CCDC60: variants seen among roughly 807,000 people sequenced by gnomAD.
The protein encoded by CCDC60 is coiled-coil domain containing 60.
A neutral mutation model predicts 63.5 loss-of-function variants in CCDC60; 54 were observed. The ratio of observed to expected loss-of-function variants is 0.85; its 90% CI spans 0.68 to 1.07. CCDC60 has a LOEUF of 1.07. Among genes scored for constraint, CCDC60 ranks in the 50% least tolerant of loss-of-function variants. The probability of loss-of-function intolerance (pLI) is 0.00; values close to 1 mark genes in which losing one functional copy is unlikely to be tolerated. For missense variants in CCDC60, 651 were observed against 684.3 expected (o/e 0.95, Z 0.54); for synonymous variants, 206 against 238.8 (o/e 0.86, Z 1.27).
Position 119,472,042 on chromosome 12 carries a change from G to T in CCDC60, c.219G>T (p.Leu73=). 6.2e-7 allele frequency: 1 copy of T among 1,614,058 alleles called. No individual in the cohort carries two copies. The highest frequency in any genetic ancestry group is 8.5e-7 in the Non-Finnish European group (1 of 1,180,008). Residue 73 remains leucine, a synonymous_variant, in exon 3 of 14, where the codon CTG becomes CTT. Coordinates refer to ENST00000327554, the MANE Select transcript of CCDC60 (RefSeq NM_178499.5). The part of the protein sequence containing the change: ...VKIGRGYFAI[L]REETAKKKKQ... The stretch of plus-strand genomic sequence containing the variant: ...TAGGCCGTGGATATTTTGCTATTCT[G>T]AGGGAAGAGACTGCAAAGAAAAAGA...
intron 5 of CCDC60, among the ~76,000 whole-genome samples, chr12:119,499,147 T>C (rs1183173832): frequency 6.6e-6 from 1 of 152,218 alleles, no homozygotes; most frequent in East Asian, 1.9e-4. Context: ...ATGTTTCCTT[T>C]CCAAAATGCC....
chr12:119,451,288 C>T (rs1950630028), intron 2 of CCDC60, among the ~76,000 whole-genome samples: 1 of 152,156 alleles, frequency 6.6e-6, no homozygotes. Context: ...ATTCCAAAGC[C>T]CCAGCTAAAC....
chr12:119,405,708 A>G (rs182231131), intron 1 of CCDC60, among the ~76,000 whole-genome samples: 27 of 152,278 alleles, frequency 1.8e-4, no homozygotes, highest in African/African-American at 6.0e-4. Context: ...TCTAAATTAT[A>G]TAAGTTTTAC....
intron 2 of CCDC60, among the ~76,000 whole-genome samples, chr12:119,441,154 C>T (rs1295342620): frequency 6.6e-6 from 1 of 152,152 alleles, no homozygotes; most frequent in Non-Finnish European, 1.5e-5. Flanking sequence ...GTTTTAGGGA[C>T]AGCTGAAGCA....
rs1342011296 is a variant in CCDC60 at position 119,368,068 on chromosome 12, G to C, written c.90+32802G>C. On this transcript the variant is annotated intron_variant, in intron 1 of 13. Transcript: ENST00000327554. Reference sequence around the variant, plus strand: ...TCTGTTTTTCTGAAGAAAAAAAGAAGAACAAGAAGAAGGAGGAGGGGGAGG... The same window carrying C: ...TCTGTTTTTCTGAAGAAAAAAAGAACAACAAGAAGAAGGAGGAGGGGGAGG... Among the ~76,000 whole-genome samples the C allele has an allele frequency of 7.7e-5, 11 of 142,888 alleles. No homozygotes were observed. The Admixed American group carries it at 8.0e-4, about 10-fold the overall frequency. The allele number at this position is 142,888 out of a possible 152,430, so 93.7% of individuals were successfully genotyped here. A position where few individuals can be genotyped will look rare whatever the true frequency, so the allele number is the denominator to read the frequency against.
At chr12:119,503,929 A>T (rs531744664) in intron 6 of CCDC60, among the ~76,000 whole-genome samples, 4 of 152,308 alleles carry the variant, frequency 2.6e-5, no homozygotes, top group East Asian at 3.9e-4. Context: ...CAGTCTATCC[A>T]TCAAGAGCTT....
chr12:119,413,675 G>A (rs1956646128), intron 1 of CCDC60, among the ~76,000 whole-genome samples: 1 of 152,148 alleles, frequency 6.6e-6, no homozygotes, highest in Non-Finnish European at 1.5e-5. Flanking sequence ...GTACACAAGA[G>A]ATGACTTTCT....
Position 119,540,797 on chromosome 12 carries a change from T to C in CCDC60, c.*82T>C. 1 of 949,808 alleles carries C rather than the reference T, an allele frequency of 1.1e-6. No homozygotes were observed. The highest frequency in any genetic ancestry group is 1.4e-5 in the South Asian group (1 of 72,026). 58.8% of individuals were successfully genotyped at this position (949,808 alleles called of 1,614,324 possible). The stretch of plus-strand genomic sequence containing the variant: ...CCTGTATCCTGCCTGTGTTCCTGCC[T>C]CCTGACTACCCTCATGGATGCTCTT... On this transcript the variant is annotated 3_prime_UTR_variant, in exon 14 of 14. Transcript: ENST00000327554.
chr12:119,503,764 A>C (rs1951917923), intron 6 of CCDC60, among the ~76,000 whole-genome samples: 1 of 152,174 alleles, frequency 6.6e-6, no homozygotes, highest in Non-Finnish European at 1.5e-5. Context: ...TTCTGATCAC[A>C]TACAGTGGAC....
chr12:119,356,435 T>A (rs1487353040), intron 1 of CCDC60, among the ~76,000 whole-genome samples: 1 of 152,242 alleles, frequency 6.6e-6, no homozygotes, highest in African/African-American at 2.4e-5. Flanking sequence ...CTAGAGTTCC[T>A]CACCCATCTA....
At chr12:119,429,706 G>C (rs1956963194) in intron 2 of CCDC60, 1 of 152,190 alleles carries the variant, frequency 6.6e-6, no homozygotes, top group South Asian at 2.1e-4. Flanking sequence ...TGATGACTGA[G>C]CCCAGGAGGA....
chr12:119,499,968 C>G, intron 5 of CCDC60, 110 bp from the exon 6 acceptor site: 2 of 812,834 alleles, frequency 2.5e-6, no homozygotes, highest in Non-Finnish European at 4.3e-6. Flanking sequence ...GGAGGAAATC[C>G]TAACAGAGCC....
intron 2 of CCDC60, among the ~76,000 whole-genome samples, chr12:119,463,805 C>A (rs534198913): frequency 6.6e-6 from 1 of 152,350 alleles, no homozygotes; most frequent in East Asian, 1.9e-4. Context: ...AGATGTTAGA[C>A]TGAGTTATTA....
At chr12:119,492,995 C>A (rs1313481964) in intron 5 of CCDC60, among the ~76,000 whole-genome samples, 1 of 150,706 alleles carries the variant, frequency 6.6e-6, no homozygotes, top group Non-Finnish European at 1.5e-5. Context: ...GGTGAACAGA[C>A]AAGTATGCAA....
intron 7 of CCDC60, among the ~76,000 whole-genome samples, chr12:119,508,581 G>A (rs1459451666): frequency 1.3e-5 from 2 of 152,172 alleles, no homozygotes; most frequent in Non-Finnish European, 2.9e-5. Flanking sequence ...CCGTTGGTGG[G>A]CATGGAGCTA....
At chr12:119,392,904 C>T (rs1168964184) in intron 1 of CCDC60, among the ~76,000 whole-genome samples, 2 of 152,112 alleles carry the variant, frequency 1.3e-5, no homozygotes, top group South Asian at 2.1e-4. Context: ...CCTGTAATCC[C>T]AGCACTTTGG....
In CCDC60 at chr12:119,420,037, T is replaced by G. The variant is rs544790587; in HGVS notation, c.91-8646T>G. Among the ~76,000 whole-genome samples the G allele has an allele frequency of 6.6e-6, 1 of 151,868 alleles. No individual in the cohort carries two copies. The highest frequency in any genetic ancestry group is 2.1e-4 in the South Asian group (1 of 4,806). On this transcript the variant is annotated intron_variant, in intron 1 of 13. Coordinates refer to ENST00000327554, the MANE Select transcript of CCDC60 (RefSeq NM_178499.5). This position sits in a 1 kb window ranked among gnomAD's most constrained non-coding sequence, Gnocchi z 4.1. ...GACTACAGGCACCCACCACCACACC[T>G]GGGTAATTTTTTGTATTTTTAGTAG... is the stretch of plus-strand genomic sequence containing the variant.
At chr12:119,465,153 T>C (rs973247133) in intron 2 of CCDC60, among the ~76,000 whole-genome samples, 1 of 151,244 alleles carries the variant, frequency 6.6e-6, no homozygotes, top group Non-Finnish European at 1.5e-5. Context: ...CTACTAAAAA[T>C]ACAAAAACAA....
At chr12:119,344,796 T>A (rs943356779) in intron 1 of CCDC60, among the ~76,000 whole-genome samples, 1 of 151,632 alleles carries the variant, frequency 6.6e-6, no homozygotes, top group Non-Finnish European at 1.5e-5. Context: ...GCCTTATATC[T>A]TCTTCCTCCT....
Sources: allele counts gnomAD v4.1 joint callset (sites outside exome capture counted in the v4.1 genomes callset), GRCh38; gene constraint gnomAD v4.1.1; non-coding constraint Gnocchi (gnomAD v3.1); transcripts MANE v1.5; gene names NCBI Gene and HGNC (gene_info 2026-07-23, HGNC 2026-07-21).